CCDC57: variants seen among roughly 807,000 people sequenced by gnomAD.
CCDC57 encodes the protein coiled-coil domain-containing protein 57.
Under a neutral mutation model 118.9 loss-of-function variants are expected in CCDC57, and 118 were observed. The observed-to-expected ratio is 0.99, with a 90% CI of 0.86 to 1.16. CCDC57 has a LOEUF of 1.16. CCDC57 is among the 50% of genes most tolerant of loss of function. The pLI, the probability that CCDC57 is intolerant of heterozygous loss-of-function variation, is 0.00. For synonymous variants in CCDC57, 527 were observed against 532.9 expected, an observed-to-expected ratio of 0.99 and a Z score of 0.15; for missense variants, 1,300 against 1,320.7, an observed-to-expected ratio of 0.98 and a Z score of 0.24.
At chr17:82,150,245 G>A (rs1277347910) in intron 16 of CCDC57, among the ~76,000 whole-genome samples, 16 of 131,918 alleles carry the variant, frequency 1.2e-4, no homozygotes, top group Middle Eastern at 5.0e-3. Context: ...AGAACCAGGC[G>A]CACACTCAGA....
chr17:82,162,515 A>G (rs1227161758), intron 14 of CCDC57, among the ~76,000 whole-genome samples: 1 of 152,198 alleles, frequency 6.6e-6, no homozygotes, highest in Non-Finnish European at 1.5e-5. Context: ...TCTCAGATGA[A>G]GTGTGGCTCA....
At chr17:82,149,623 C>T (rs1212909036) in intron 16 of CCDC57, among the ~76,000 whole-genome samples, 1 of 152,106 alleles carries the variant, frequency 6.6e-6, no homozygotes, top group Non-Finnish European at 1.5e-5. Flanking sequence ...CTGCTCTGTG[C>T]AGTGGCCTCC....
intron 13 of CCDC57, among the ~76,000 whole-genome samples, chr17:82,164,913 A>G (rs2043793826): frequency 6.6e-6 from 1 of 152,256 alleles, no homozygotes; most frequent in African/African-American, 2.4e-5. Context: ...ACTTTCCAAC[A>G]TATTTATGAG....
intron 7 of CCDC57, among the ~76,000 whole-genome samples, chr17:82,191,994 T>G (rs2047722824): frequency 6.6e-6 from 1 of 151,634 alleles, no homozygotes; most frequent in Non-Finnish European, 1.5e-5. Context: ...TGACTTTTTT[T>G]TTTTTTTTTG....
chr17:82,141,481 T>G lies in CCDC57; in HGVS notation c.2456-7287A>C, dbSNP rs1006064939. 5.3e-5 allele frequency among the ~76,000 whole-genome samples: 8 copies of G among 152,256 alleles called. No individual in the cohort carries two copies. In the East Asian group the frequency reaches 1.3e-3, roughly 26 times the overall value. The stretch of plus-strand genomic sequence containing the variant: ...GATTACAGGCGTGAGCCACCGCGAC[T>G]GCCCTAAAATTATTTTTTAAAGAGG... On this transcript the variant is annotated intron_variant, in intron 16 of 19. Transcript: ENST00000665763.
chr17:82,203,818 A>G (rs2049274182), intron 2 of CCDC57, among the ~76,000 whole-genome samples: 1 of 152,202 alleles, frequency 6.6e-6, no homozygotes, highest in Non-Finnish European at 1.5e-5. Flanking sequence ...CTGGTGGGAC[A>G]TGGCCGGGGT....
At chr17:82,115,561 A>C (rs1257878494) in intron 19 of CCDC57, among the ~76,000 whole-genome samples, 1 of 151,934 alleles carries the variant, frequency 6.6e-6, no homozygotes, top group Non-Finnish European at 1.5e-5. Flanking sequence ...GCTTGAACCC[A>C]GGAGTTCAAG....
chr17:82,185,772 T>C (rs1472050893), intron 8 of CCDC57, among the ~76,000 whole-genome samples: 2 of 151,710 alleles, frequency 1.3e-5, no homozygotes, highest in Non-Finnish European at 2.9e-5. Flanking sequence ...TCCCAGCACT[T>C]TGGGAGGCTG....
At chr17:82,115,022 G>A (rs992148209) in intron 19 of CCDC57, among the ~76,000 whole-genome samples, 3 of 152,196 alleles carry the variant, frequency 2.0e-5, no homozygotes, top group African/African-American at 4.8e-5. Context: ...CCCACTCCAC[G>A]AGGCTGGCAG....
chr17:82,107,699 C>T, intron 19 of CCDC57: 1 of 428,674 alleles, frequency 2.3e-6, no homozygotes, highest in South Asian at 1.7e-5. Context: ...TGCCCGCTCC[C>T]CTGGCAACAC....
intron 11 of CCDC57, among the ~76,000 whole-genome samples, chr17:82,177,383 A>AG (rs1284210366): frequency 6.6e-6 from 1 of 151,784 alleles, no homozygotes; most frequent in Non-Finnish European, 1.5e-5. Context: ...TCTAAAAAAA[A>AG]CAACTCCAAA....
chr17:82,151,397 C>G lies in CCDC57; in HGVS notation c.2455+163G>C, dbSNP rs200436973. On this transcript the variant is annotated intron_variant, in intron 16 of 19. Coordinates refer to ENST00000665763, the Ensembl canonical transcript of CCDC57. ...ACCTGGCACACACCCAGAACCTGAC[C>G]CACACCCAGAACCTGGCGCACCCCC... Among the ~76,000 whole-genome samples, 70 of 115,132 alleles carry G rather than the reference C, an allele frequency of 6.1e-4. 1 individual carries two copies. The highest frequency in any genetic ancestry group is 2.2e-3 in the African/African-American group (68 of 30,730). The allele number at this position is 115,132 out of a possible 152,430, so 75.5% of individuals were successfully genotyped here. A position where few individuals can be genotyped will look rare whatever the true frequency, so the allele number is the denominator to read the frequency against.
Position 82,128,566 on chromosome 17 carries a change from G to A in CCDC57, c.2609C>T (p.Ser870Phe), listed in dbSNP as rs370637886. 8.9e-6 allele frequency: 14 copies of A among 1,571,988 alleles called. No individual in the cohort carries two copies. The African/African-American group carries it at 1.4e-4, about 15-fold the overall frequency. Residue 870 changes from serine (S) to phenylalanine (F), a missense_variant, in exon 18 of 20, where the codon TCC becomes TTC. Coordinates refer to ENST00000665763, the Ensembl canonical transcript of CCDC57. ...GGGCTGGTGCTTTCCCAAGTGTCTG[G>A]AAGGAGCCTCATCCTCGGCACTCTT...
intron 19 of CCDC57, chr17:82,126,744 G>A (rs2037489314): frequency 7.1e-6 from 7 of 985,320 alleles, no homozygotes; most frequent in African/African-American, 3.5e-5. Flanking sequence ...GCACGTACAC[G>A]TGTGTTTTCA....
chr17:82,150,945 G>A (rs2041910818), intron 16 of CCDC57, among the ~76,000 whole-genome samples: 1 of 69,978 alleles, frequency 1.4e-5, no homozygotes, highest in Admixed American at 1.8e-4. Context: ...CCAGAACCAG[G>A]CGCACACCCA....
At chr17:82,106,786 G>C (rs538692997) in intron 19 of CCDC57, among the ~76,000 whole-genome samples, 1 of 152,314 alleles carries the variant, frequency 6.6e-6, no homozygotes, top group East Asian at 1.9e-4. Context: ...GGCACTGTCT[G>C]GGGACAGCAA....
At chr17:82,145,931 T>TC in intron 16 of CCDC57, 1 of 341,066 alleles carries the variant, frequency 2.9e-6, no homozygotes, top group Non-Finnish European at 6.2e-6. Flanking sequence ...CCCCGGCACC[T>TC]CCCCCCACAG....
intron 16 of CCDC57, among the ~76,000 whole-genome samples, chr17:82,145,628 C>A (rs1318671573): frequency 4.6e-5 from 7 of 152,056 alleles, no homozygotes; most frequent in Non-Finnish European, 1.0e-4. Flanking sequence ...CAAGGAAATG[C>A]CATGTGCAGC....
chr17:82,161,207 GTGT>G (rs2043287753), intron 14 of CCDC57, among the ~76,000 whole-genome samples: 2 of 152,222 alleles, frequency 1.3e-5, no homozygotes, highest in Admixed American at 1.3e-4. Flanking sequence ...AAAACAGCTA[GTGT>G]TGGTGGGGAT....
Sources: gnomAD v4.1 joint callset for allele counts (sites outside exome capture counted in the v4.1 genomes callset) on GRCh38, gnomAD v4.1.1 for gene constraint, MANE v1.5 for transcripts, NCBI Gene and HGNC (gene_info 2026-07-23, HGNC 2026-07-21) for gene names.